The following RFX1 variants were observed in gnomAD, a reference collection of about 807,000 sequenced individuals.
RFX1 encodes the protein MHC class II regulatory factor RFX1.
RFX1 carries 42 observed loss-of-function variants against 119.6 expected under a neutral mutation model. The ratio of observed to expected loss-of-function variants is 0.35; its 90% confidence interval spans 0.27 to 0.45. The LOEUF is 0.45. Ranked by LOEUF, RFX1 falls within the 20% of genes least tolerant of loss-of-function variation. The pLI is 1.00. For synonymous variants in RFX1, 628 were observed against 618.5 expected, an observed-to-expected ratio of 1.02 and a Z score of -0.23; for missense variants, 1,118 against 1,368.1, an observed-to-expected ratio of 0.82 and a Z score of 2.88.
chr19:13,993,688 G>C lies in RFX1; in HGVS notation c.156C>G (p.Pro52=), dbSNP rs1974883416. Residue 52 remains proline (P), a synonymous_variant, in exon 2 of 21, where the codon CCC becomes CCG. Transcript: ENST00000254325. ...GGCTCTGCAGCTCGGTGACATATTG[G>C]GGCTGAGGGGTGGCAGCAGCGGTGG... ...QPPTAAATPQ[P]QYVTELQSPQ... 1.3e-6 allele frequency: 2 copies of C among 1,586,646 alleles called. No homozygotes were observed. Among genetic ancestry groups the C allele is most frequent in the Non-Finnish European group, 1.7e-6 (2 of 1,165,984 alleles).
At chr19:13,989,575 C>T (rs1196997475) in intron 2 of RFX1, among the ~76,000 whole-genome samples, 7 of 151,910 alleles carry the variant, frequency 4.6e-5, no homozygotes, top group Non-Finnish European at 7.4e-5. Flanking sequence ...GACAGACAGA[C>T]AGACAGAGAG....
chr19:13,997,320 A>G lies in RFX1; in HGVS notation c.-52-3425T>C, dbSNP rs531419598. On this transcript the variant is annotated intron_variant, in intron 1 of 20. Transcript: ENST00000254325. ...ACGAGCCCTGGACGGGGATGGATGCACCACGATTTGAATTTGGCTATCTCC... is the reference window on the plus strand; with the variant it reads ...ACGAGCCCTGGACGGGGATGGATGCGCCACGATTTGAATTTGGCTATCTCC... Among the ~76,000 whole-genome samples, 4 of 152,338 alleles carry G rather than the reference A, an allele frequency of 2.6e-5. No homozygotes were observed. The East Asian group carries it at 7.7e-4, about 29-fold the overall frequency.
chr19:13,987,113 A>C (rs1334035093), intron 2 of RFX1, among the ~76,000 whole-genome samples: 1 of 152,174 alleles, frequency 6.6e-6, no homozygotes, highest in Non-Finnish European at 1.5e-5. Flanking sequence ...AGAGAGAAGC[A>C]GGGAAGAAGG....
At chr19:13,982,283 G>T in intron 4 of RFX1, 55 bp from the exon 5 acceptor site, 2 of 1,031,792 alleles carry the variant, frequency 1.9e-6, no homozygotes, top group Non-Finnish European at 2.6e-6. Flanking sequence ...CCGTGCAGTT[G>T]CACCGAGCAT....
chr19:13,973,186 G>A lies in RFX1; in HGVS notation c.930-59C>T, dbSNP rs544912633. On this transcript the variant is annotated intron_variant, in intron 8 of 20. Coordinates refer to ENST00000254325, the MANE Select transcript of RFX1 (RefSeq NM_002918.5). ...GGGATGAGAACTGGGGGGCCGAGGG[G>A]CATGACTGTGCAGGAAGGGGGGTCC... The A allele has an allele frequency of 5.0e-6, 5 of 997,390 alleles. No homozygotes were observed. The East Asian group carries it at 1.6e-4, about 33-fold the overall frequency. The allele number at this position is 997,390 out of a possible 1,614,324, so 61.8% of individuals were successfully genotyped here.
At chr19:13,967,727 C>T (rs2145544210) in intron 12 of RFX1, among the ~76,000 whole-genome samples, 2 of 152,188 alleles carry the variant, frequency 1.3e-5, no homozygotes, top group South Asian at 4.2e-4. Flanking sequence ...TTCCTCCAGC[C>T]TCGGCCTCCC....
Position 13,964,387 on chromosome 19 carries a change from C to CT in RFX1, c.2212-381dup, listed in dbSNP as rs990253908. 7.1e-3 allele frequency among the ~76,000 whole-genome samples: 879 copies of CT among 124,192 alleles called. 5 individuals are homozygous for CT. The highest frequency in any genetic ancestry group is 8.6e-3 in the East Asian group (43 of 4,978). The allele number at this position is 124,192 out of a possible 152,430, so 81.5% of individuals were successfully genotyped here. A position where few individuals can be genotyped will look rare whatever the true frequency, so the allele number is the denominator to read the frequency against. ...AGTGAGCCACCGTGCCAGGAAAGGC[C>CT]TTTTTTTTTTTTTTAAAAACGAAAG... On this transcript the variant is annotated intron_variant, in intron 16 of 20. Coordinates refer to ENST00000254325, the MANE Select transcript of RFX1 (RefSeq NM_002918.5).
chr19:13,980,166 C>T lies in RFX1; in HGVS notation c.738+407G>A, dbSNP rs1392204824. Among the ~76,000 whole-genome samples the T allele has an allele frequency of 6.6e-6, 1 of 152,172 alleles. No individual in the cohort carries two copies. The highest frequency in any genetic ancestry group is 1.5e-5 in the Non-Finnish European group (1 of 68,018). On this transcript the variant is annotated intron_variant, in intron 6 of 20. Coordinates refer to ENST00000254325, the MANE Select transcript of RFX1 (RefSeq NM_002918.5). This position sits in a 1 kb window ranked among gnomAD's most constrained non-coding sequence, Gnocchi z 5.1. ...GCAGCCCCAGCATCTTAACCTGCGC[C>T]GGCTCAGGGCTCTGCCTCCTGCAGA... is the stretch of plus-strand genomic sequence containing the variant.
intron 1 of RFX1, among the ~76,000 whole-genome samples, chr19:14,003,541 C>T (rs1975284301): frequency 6.6e-6 from 1 of 152,182 alleles, no homozygotes; most frequent in Non-Finnish European, 1.5e-5. Flanking sequence ...CGACAATCAC[C>T]GTAACAGCAG....
In RFX1 at chr19:13,978,063, G is replaced by A. The variant is rs762615718; in HGVS notation, c.858C>T (p.Pro286=). The change falls in exon 8 of 21, where the codon CCC becomes CCT. Residue 286 remains proline, a synonymous_variant. Transcript: ENST00000254325. ...CCTGGCTGGAGTACACGTGTGGGAC[G>A]GGCACCTGCTGGAGCTGCTGCACCT... is the stretch of plus-strand genomic sequence containing the variant. ...AQEVQQLQQV[P]VPHVYSSQVQ... 1.2e-5 allele frequency: 20 copies of A among 1,613,130 alleles called. No individual in the cohort carries two copies. The highest frequency in any genetic ancestry group is 9.3e-5 in the African/African-American group (7 of 74,922).
rs1283303086 is a variant in RFX1, at chr19:13,970,180, G to A, written c.1315-5C>T. On this transcript the variant is annotated splice_polypyrimidine_tract_variant and splice_region_variant and intron_variant, in intron 9 of 20. Coordinates refer to ENST00000254325, the MANE Select transcript of RFX1 (RefSeq NM_002918.5). The stretch of plus-strand genomic sequence containing the variant: ...GTTGTCCAGGAGCCACTGGACCTGG[G>A]GTGGGAGGGAGATGGGAGAGCACCA... The A allele has an allele frequency of 6.3e-7, 1 of 1,595,852 alleles. No homozygotes were observed. Among genetic ancestry groups the A allele is most frequent in the Non-Finnish European group, 8.6e-7 (1 of 1,168,164 alleles).
chr19:13,967,906 A>G (rs1973955918), intron 12 of RFX1, among the ~76,000 whole-genome samples: 1 of 152,182 alleles, frequency 6.6e-6, no homozygotes, highest in Admixed American at 6.5e-5. Flanking sequence ...ATGAGAGAAG[A>G]GGACCTGCCG....
Position 13,973,010 on chromosome 19 carries a change from C to T in RFX1, c.1047G>A (p.Ala349=), listed in dbSNP as rs566254875. 1.1e-4 allele frequency: 180 copies of T among 1,600,930 alleles called. 1 individual carries two copies. Among genetic ancestry groups the T allele is most frequent in the Middle Eastern group, 1.8e-4 (1 of 5,662 alleles). Reference sequence around the variant, plus strand: ...TGGGCATGGAGCCACTGCTGGCCACCGCCTGGGAGGTGGCGGGGGTGCTGA... The same window carrying T: ...TGGGCATGGAGCCACTGCTGGCCACTGCCTGGGAGGTGGCGGGGGTGCTGA... ...TQVSTPATSQ[A]VASSGSMPMY... is the part of the protein sequence containing the mutation. Residue 349 remains alanine (A), a synonymous_variant, in exon 9 of 21, where the codon GCG becomes GCA. Transcript: ENST00000254325.
rs756579764 is a variant in RFX1 at position 13,963,103 on chromosome 19, A to T, written c.2724+19T>A. On this transcript the variant is annotated intron_variant, in intron 19 of 20. Transcript: ENST00000254325. ...CGCCTGGCGCCCCGCCCGCGCCCCC[A>T]GTGGCCCGCCTCGCGCACCTCGCCC... is the stretch of plus-strand genomic sequence containing the variant. The T allele has an allele frequency of 6.2e-7, 1 of 1,609,994 alleles. No homozygotes were observed. Among genetic ancestry groups the T allele is most frequent in the Admixed American group, 1.7e-5 (1 of 59,718 alleles).
rs112309911 is a variant in RFX1, at chr19:13,985,138, C to T, written c.320-1543G>A. On this transcript the variant is annotated intron_variant, in intron 2 of 20. Coordinates refer to ENST00000254325, the MANE Select transcript of RFX1 (RefSeq NM_002918.5). This position sits in a 1 kb window ranked among gnomAD's most constrained non-coding sequence, Gnocchi z 4.3. ...CCATCTCCCGAAGTGCCGGAATTAC[C>T]GGCGTGAGCCACTGTGCCTGGCTGA... Among the ~76,000 whole-genome samples the T allele has an allele frequency of 6.6e-6, 1 of 151,884 alleles. No individual in the cohort carries two copies. Among genetic ancestry groups the T allele is most frequent in the South Asian group, 2.1e-4 (1 of 4,822 alleles).
intron 1 of RFX1, among the ~76,000 whole-genome samples, chr19:14,003,459 C>T (rs552786917): frequency 1.3e-5 from 2 of 148,924 alleles, no homozygotes; most frequent in African/African-American, 2.6e-5. Context: ...TTTAAAGCCA[C>T]GAGGGCTCTC....
chr19:13,968,478 G>T lies in RFX1; in HGVS notation c.1732+87C>A. On this transcript the variant is annotated intron_variant, in intron 12 of 20. Coordinates refer to ENST00000254325, the MANE Select transcript of RFX1 (RefSeq NM_002918.5). The surrounding 1 kb of genome is among the most constrained non-coding windows in gnomAD (Gnocchi z 5.5). Reference sequence around the variant, plus strand: ...CTCACCAAGCCCTCCCCAGCTCAGAGGCTGCCTGCCGCCATCCAGCTTTGG... The same window carrying T: ...CTCACCAAGCCCTCCCCAGCTCAGATGCTGCCTGCCGCCATCCAGCTTTGG... 1 of 1,096,272 alleles carries T rather than the reference G, an allele frequency of 9.1e-7. No homozygotes were observed. Among genetic ancestry groups the T allele is most frequent in the Non-Finnish European group, 1.4e-6 (1 of 718,166 alleles). The allele number at this position is 1,096,272 out of a possible 1,614,324, so 67.9% of individuals were successfully genotyped here.
rs1190214573 is a variant in RFX1 at position 13,963,938 on chromosome 19, C to A, written c.2281G>T (p.Ala761Ser). 6.5e-7 allele frequency: 1 copy of A among 1,546,020 alleles called. No homozygotes were observed. The highest frequency in any genetic ancestry group is 1.2e-5 in the South Asian group (1 of 84,056). The change falls in exon 17 of 21, where the codon GCG becomes TCG. Residue 761 changes from alanine (A) to serine (S), a missense_variant. Coordinates refer to ENST00000254325, the MANE Select transcript of RFX1 (RefSeq NM_002918.5). The stretch of plus-strand genomic sequence containing the variant: ...GCGGTGTTCTGCAGCACAGCGCGCG[C>A]CGCCTGCGCCAGGTGGTTGAGCGAC... ...YTSLNHLAQAARAVLQNTAQI... is the reference protein window; with the variant it reads ...YTSLNHLAQASRAVLQNTAQI...
At chr19:13,964,182 C>T (rs910695340) in intron 16 of RFX1, 175 bp from the exon 17 acceptor site, 3 of 613,154 alleles carry the variant, frequency 4.9e-6, no homozygotes, top group African/African-American at 1.9e-5. Flanking sequence ...TTTGGGTGTC[C>T]ACTCACAAGC....
Sources: gnomAD v4.1 joint callset for allele counts (sites outside exome capture counted in the v4.1 genomes callset) on GRCh38, gnomAD v4.1.1 for gene constraint, Gnocchi (gnomAD v3.1) non-coding constraint, MANE v1.5 for transcripts, NCBI Gene and HGNC (gene_info 2026-07-23, HGNC 2026-07-21) for gene names.